Variants in SH2D1A observed in about 807,000 individuals in gnomAD.
SH2D1A encodes the protein SH2 domain containing 1A.
In SH2D1A, 6 loss-of-function variants were observed where a neutral mutation model predicts 10.1. The ratio of observed to expected loss-of-function variants is 0.60; its 90% confidence interval spans 0.33 to 1.18. The LOEUF is 1.18. Among genes scored for constraint, SH2D1A ranks in the 50% most tolerant of loss-of-function variants. The pLI, the probability that SH2D1A is intolerant of heterozygous loss-of-function variation, is 0.04. For synonymous variants in SH2D1A, 42 were observed against 36.9 expected (o/e 1.14, Z -0.51); for missense variants, 51 against 97.6 (o/e 0.52, Z 2.01).
chrX:124,367,402 A>G (rs894153592), intron 2 of SH2D1A, among the ~76,000 whole-genome samples: 4 of 111,990 alleles, frequency 3.6e-5, no homozygotes, highest in Non-Finnish European at 7.5e-5. Flanking sequence ...ATTGAAGACC[A>G]GCTGTGATCT....
At chrX:124,357,382 T>G (rs1277795781) in intron 1 of SH2D1A, among the ~76,000 whole-genome samples, 2 of 112,367 alleles carry the variant, frequency 1.8e-5, no homozygotes, top group Non-Finnish European at 3.8e-5. Context: ...CTTTATCCAT[T>G]CATCTGTTGA....
chrX:124,350,561 G>GTA (rs1298987814), intron 1 of SH2D1A, among the ~76,000 whole-genome samples: 1 of 45,325 alleles, frequency 2.2e-5, no homozygotes, highest in Non-Finnish European at 3.5e-5. Context: ...ATTATATATA[G>GTA]TATATTATAT....
At chrX:124,357,144 G>T (rs1420796491) in intron 1 of SH2D1A, among the ~76,000 whole-genome samples, 2 of 111,016 alleles carry the variant, frequency 1.8e-5, no homozygotes, top group Non-Finnish European at 3.8e-5. Context: ...CACCCTGCAC[G>T]CCCCTACGAG....
intron 1 of SH2D1A, among the ~76,000 whole-genome samples, chrX:124,349,643 CAAACTGTACTTT>C (rs2060002742): frequency 9.0e-6 from 1 of 111,026 alleles, no homozygotes; most frequent in African/African-American, 3.3e-5. Flanking sequence ...CATATGCCTT[CAAACTGTACTTT>C]AAACTGTACT....
intron 1 of SH2D1A, among the ~76,000 whole-genome samples, chrX:124,364,579 A>C (rs1292186863): frequency 9.2e-6 from 1 of 108,726 alleles, no homozygotes; most frequent in African/African-American, 3.4e-5. Context: ...ATCTCGTCTC[A>C]CTGCAACCTC....
chrX:124,354,784 A>G (rs1021685885), intron 1 of SH2D1A, among the ~76,000 whole-genome samples: 11 of 112,631 alleles, frequency 9.8e-5, no homozygotes, highest in Non-Finnish European at 2.1e-4. Context: ...CATCATAAGT[A>G]TACGTAAATA....
chrX:124,346,909 C>A, intron 1 of SH2D1A, 130 bp downstream of exon 1: 1 of 746,365 alleles, frequency 1.3e-6, no homozygotes, highest in Non-Finnish European at 2.0e-6. Flanking sequence ...TCCTCCGTGG[C>A]CCACCCTCAA....
intron 1 of SH2D1A, among the ~76,000 whole-genome samples, chrX:124,360,600 TAAAA>T (rs57948305): frequency 1.5e-3 from 45 of 30,791 alleles, no homozygotes; most frequent in Non-Finnish European, 2.4e-3. Flanking sequence ...AAGACACCAT[TAAAA>T]AAAAAAAAAA....
intron 1 of SH2D1A, among the ~76,000 whole-genome samples, chrX:124,361,839 ATGAAT>A (rs1263325450): frequency 8.9e-6 from 1 of 111,840 alleles, no homozygotes; most frequent in African/African-American, 3.3e-5. Flanking sequence ...AAGGAGAGAG[ATGAAT>A]TGAAGAAGGA....
chrX:124,361,538 T>C (rs1338434239), intron 1 of SH2D1A, among the ~76,000 whole-genome samples: 1 of 111,297 alleles, frequency 9.0e-6, no homozygotes, highest in Non-Finnish European at 1.9e-5. Context: ...AGTTTTAAGG[T>C]GTATGCTAGA....
intron 1 of SH2D1A, among the ~76,000 whole-genome samples, chrX:124,350,323 TTATATAA>T (rs1327385726): frequency 8.9e-4 from 26 of 29,250 alleles, no homozygotes; most frequent in South Asian, 1.9e-3. Context: ...ATATATAATA[TTATATAA>T]TATATAATAT....
intron 1 of SH2D1A, among the ~76,000 whole-genome samples, chrX:124,363,507 T>A (rs191811405): frequency 1.6e-3 from 177 of 111,705 alleles, no homozygotes; most frequent in Middle Eastern, 9.3e-3. Context: ...CCTACTGATG[T>A]TGTAGCCATT....
rs141318928 is a variant in SH2D1A at position 124,365,123 on chromosome X, C to T, written c.138-638C>T. ...TATACCATATAGGTTTGTGTAAGTA[C>T]AGTCTATGATGTTTGCACAACAACG... is the stretch of plus-strand genomic sequence containing the variant. On this transcript the variant is annotated intron_variant, in intron 1 of 3. Transcript: ENST00000371139. Among the ~76,000 whole-genome samples the T allele has an allele frequency of 9.9e-3, 1,096 of 110,699 alleles. 9 individuals are homozygous for T. Among genetic ancestry groups the T allele is most frequent in the Middle Eastern group, 0.047 (10 of 213 alleles).
chrX:124,357,945 G>A (rs1022734221), intron 1 of SH2D1A, among the ~76,000 whole-genome samples: 1 of 109,133 alleles, frequency 9.2e-6, no homozygotes, highest in African/African-American at 3.3e-5. Context: ...TCAGACTCCC[G>A]AGTAGCTGCC....
intron 1 of SH2D1A, among the ~76,000 whole-genome samples, chrX:124,361,387 C>T (rs987923200): frequency 8.9e-6 from 1 of 112,053 alleles, no homozygotes; most frequent in Non-Finnish European, 1.9e-5. Flanking sequence ...GTTGTTTAAG[C>T]CACCCTGTCT....
At chrX:124,349,597 T>C (rs1304293992) in intron 1 of SH2D1A, among the ~76,000 whole-genome samples, 2 of 111,481 alleles carry the variant, frequency 1.8e-5, no homozygotes, top group Non-Finnish European at 3.8e-5. Context: ...AATTGAGCTA[T>C]AGTTTTTATA....
intron 1 of SH2D1A, among the ~76,000 whole-genome samples, chrX:124,358,243 A>G (rs1281722646): frequency 9.0e-6 from 1 of 111,460 alleles, no homozygotes; most frequent in Admixed American, 9.5e-5. Context: ...TGCTTAGGTT[A>G]GTTCCATTTT....
chrX:124,351,027 T>C (rs1243578656), intron 1 of SH2D1A, among the ~76,000 whole-genome samples: 1 of 89,800 alleles, frequency 1.1e-5, no homozygotes, highest in African/African-American at 4.1e-5. Flanking sequence ...TATATTATTA[T>C]AAATATATAT....
intron 2 of SH2D1A, among the ~76,000 whole-genome samples, chrX:124,367,993 T>A (rs2060060012): frequency 8.9e-6 from 1 of 111,993 alleles, no homozygotes; most frequent in Non-Finnish European, 1.9e-5. Context: ...CTTATTAATC[T>A]AAGTAAAACA....
Sources: allele counts gnomAD v4.1 joint callset (sites outside exome capture counted in the v4.1 genomes callset), GRCh38; gene constraint gnomAD v4.1.1; transcripts MANE v1.5; gene names NCBI Gene and HGNC (gene_info 2026-07-23, HGNC 2026-07-21).